Variants in CNTNAP2 observed in about 807,000 individuals in gnomAD.
The protein encoded by CNTNAP2 is contactin-associated protein-like 2.
In CNTNAP2, 98 loss-of-function variants were observed where a neutral mutation model predicts 155.2. That is an observed-to-expected ratio of 0.63 (90% CI 0.54 to 0.75). The LOEUF (loss-of-function observed/expected upper bound fraction) is 0.75, where lower values mean the gene tolerates loss of function less well. Among genes scored for constraint, CNTNAP2 ranks in the 30% least tolerant of loss-of-function variants. CNTNAP2 has a pLI of 0.00. For missense variants in CNTNAP2, 1,727 were observed against 1,688.1 expected (o/e 1.02, Z -0.40); for synonymous variants, 651 against 631.2 (o/e 1.03, Z -0.47).
intron 8 of CNTNAP2, among the ~76,000 whole-genome samples, chr7:147,298,558 C>A (rs1794881308): frequency 6.6e-6 from 1 of 152,198 alleles, no homozygotes; most frequent in African/African-American, 2.4e-5. Flanking sequence ...ATGTGACTAT[C>A]TTCTAAGCTC....
intron 1 of CNTNAP2, among the ~76,000 whole-genome samples, chr7:146,157,573 C>T (rs1209762247): frequency 6.6e-6 from 1 of 152,156 alleles, no homozygotes; most frequent in Non-Finnish European, 1.5e-5. Flanking sequence ...GGAAATGGCA[C>T]ACCAGGACAT....
intron 1 of CNTNAP2, among the ~76,000 whole-genome samples, chr7:146,357,803 A>G (rs1486413359): frequency 1.3e-5 from 2 of 152,052 alleles, no homozygotes; most frequent in Admixed American, 1.3e-4. Flanking sequence ...ATCAGAATCA[A>G]AAATTGATCC....
Position 147,549,525 on chromosome 7 carries a change from A to T in CNTNAP2, c.1778-12613A>T, listed in dbSNP as rs567123106. 5.3e-5 allele frequency among the ~76,000 whole-genome samples: 8 copies of T among 152,330 alleles called. No homozygotes were observed. The South Asian group carries it at 1.7e-3, about 32-fold the overall frequency. Reference sequence around the variant, plus strand: ...GCTGAGATGATGGGGTTTTCTAAATATAAAATCATGTCATCTGCAAACAGA... The same window carrying T: ...GCTGAGATGATGGGGTTTTCTAAATTTAAAATCATGTCATCTGCAAACAGA... On this transcript the variant is annotated intron_variant, in intron 11 of 23. Coordinates refer to ENST00000361727, the MANE Select transcript of CNTNAP2 (RefSeq NM_014141.6).
chr7:147,580,604 G>C (rs1351210228), intron 12 of CNTNAP2, among the ~76,000 whole-genome samples: 3 of 142,406 alleles, frequency 2.1e-5, no homozygotes, highest in South Asian at 4.5e-4. Flanking sequence ...TGTTGATCTT[G>C]TTTTTTACAT....
At chr7:146,438,307 A>C (rs563450671) in intron 1 of CNTNAP2, among the ~76,000 whole-genome samples, 104 of 149,896 alleles carry the variant, frequency 6.9e-4, no homozygotes, top group Middle Eastern at 3.4e-3. Context: ...TAAAGAGTCT[A>C]TTCATATCCC....
chr7:147,823,956 C>A (rs1161018622), intron 13 of CNTNAP2, among the ~76,000 whole-genome samples: 1 of 152,126 alleles, frequency 6.6e-6, no homozygotes, highest in African/African-American at 2.4e-5. Flanking sequence ...TTTACTGTCT[C>A]CCTGGCATGA....
intron 4 of CNTNAP2, among the ~76,000 whole-genome samples, chr7:147,084,470 A>G (rs1046929515): frequency 7.0e-6 from 1 of 142,430 alleles, no homozygotes; most frequent in South Asian, 2.2e-4. Context: ...CTATATATGT[A>G]TATACACATA....
intron 15 of CNTNAP2, among the ~76,000 whole-genome samples, chr7:148,046,706 C>A (rs1162201040): frequency 6.6e-6 from 1 of 152,140 alleles, no homozygotes; most frequent in Admixed American, 6.5e-5. Context: ...CATGCTTCAA[C>A]ATGAATGCAT....
intron 1 of CNTNAP2, among the ~76,000 whole-genome samples, chr7:146,435,648 A>G (rs2129118031): frequency 6.6e-6 from 1 of 152,322 alleles, no homozygotes; most frequent in Middle Eastern, 3.4e-3. Flanking sequence ...AGTATATTAT[A>G]TAGGCACTTA....
rs1329136321 is a variant in CNTNAP2 at position 147,251,975 on chromosome 7, AG to A, written c.1349-48165del. Among the ~76,000 whole-genome samples, 149 of 152,328 alleles carry A rather than the reference AG, an allele frequency of 9.8e-4. 1 individual carries two copies. The highest frequency in any genetic ancestry group is 3.4e-3 in the African/African-American group (142 of 41,580). On this transcript the variant is annotated intron_variant, in intron 8 of 23. Coordinates refer to ENST00000361727, the MANE Select transcript of CNTNAP2 (RefSeq NM_014141.6). ...AGTTTGGGGATTAATAAAAAAAAACAGCAAGGAGTAAGAATCTTTGGGAATA... is the reference window on the plus strand; with the variant it reads ...AGTTTGGGGATTAATAAAAAAAAACACAAGGAGTAAGAATCTTTGGGAATA...
chr7:147,630,316 TAA>T (rs71183024), intron 12 of CNTNAP2, among the ~76,000 whole-genome samples: 14 of 73,100 alleles, frequency 1.9e-4, no homozygotes, highest in Non-Finnish European at 2.9e-4. Flanking sequence ...GAAACAGTAG[TAA>T]AAAAAAAAAA....
intron 11 of CNTNAP2, among the ~76,000 whole-genome samples, chr7:147,509,450 G>C (rs941485498): frequency 1.3e-5 from 2 of 152,146 alleles, no homozygotes; most frequent in African/African-American, 4.8e-5. Flanking sequence ...TTACTGGTCT[G>C]ACTTTTTTGC....
At chr7:146,621,559 T>TC (rs1799317557) in intron 1 of CNTNAP2, among the ~76,000 whole-genome samples, 1 of 152,196 alleles carries the variant, frequency 6.6e-6, no homozygotes, top group African/African-American at 2.4e-5. Flanking sequence ...TGCAGAATGT[T>TC]CATCAACTGG....
chr7:146,774,652 A>G (rs1171428747), intron 2 of CNTNAP2, among the ~76,000 whole-genome samples: 1 of 152,212 alleles, frequency 6.6e-6, no homozygotes, highest in Non-Finnish European at 1.5e-5. Flanking sequence ...TCAAAATGGC[A>G]TAAACGTTTA....
intron 18 of CNTNAP2, among the ~76,000 whole-genome samples, chr7:148,209,288 T>G (rs529867988): frequency 1.4e-5 from 2 of 140,940 alleles, no homozygotes; most frequent in African/African-American, 5.2e-5. Flanking sequence ...GCTATTTTTT[T>G]CTTTTCTTCC....
At chr7:146,984,740 CCCCATGGAAAG>C (rs1798086918) in intron 3 of CNTNAP2, among the ~76,000 whole-genome samples, 1 of 152,116 alleles carries the variant, frequency 6.6e-6, no homozygotes. Context: ...AATATTTTTT[CCCCATGGAAAG>C]ATTAGGTTTT....
intron 13 of CNTNAP2, among the ~76,000 whole-genome samples, chr7:147,887,222 A>T (rs1296851981): frequency 6.6e-6 from 1 of 152,204 alleles, no homozygotes; most frequent in East Asian, 1.9e-4. Context: ...CTGTAATCCC[A>T]GCACTTTGGG....
At chr7:147,213,481 A>G (rs1249563425) in intron 8 of CNTNAP2, among the ~76,000 whole-genome samples, 1 of 152,092 alleles carries the variant, frequency 6.6e-6, no homozygotes, top group Non-Finnish European at 1.5e-5. Context: ...TCATGTTAGT[A>G]TTATTGCAAA....
At chr7:147,238,204 A>T (rs749800982) in intron 8 of CNTNAP2, among the ~76,000 whole-genome samples, 1 of 152,036 alleles carries the variant, frequency 6.6e-6, no homozygotes, top group Non-Finnish European at 1.5e-5. Flanking sequence ...TTTAGTAGGG[A>T]TGGGGTTTCA....
Sources: allele counts gnomAD v4.1 joint callset (sites outside exome capture counted in the v4.1 genomes callset), GRCh38; gene constraint gnomAD v4.1.1; transcripts MANE v1.5; gene names NCBI Gene and HGNC (gene_info 2026-07-23, HGNC 2026-07-21).